The following ZNF469 variants were observed in gnomAD, a reference collection of about 807,000 sequenced individuals.
ZNF469 encodes the protein zinc finger protein 469.
In ZNF469, 1 loss-of-function variant was observed where a neutral mutation model predicts 1.0. That is an observed-to-expected ratio of 1.00 (90% CI 0.35 to 4.73). The LOEUF (loss-of-function observed/expected upper bound fraction) is 4.73, where lower values mean the gene tolerates loss of function less well. ZNF469 is among the 30% of genes most tolerant of loss of function. ZNF469 has a pLI of 0.16. For synonymous variants in ZNF469, 2,703 were observed against 2,363.4 expected, an observed-to-expected ratio of 1.14 and a Z score of -4.17; for missense variants, 6,100 against 5,356.3, an observed-to-expected ratio of 1.14 and a Z score of -4.33.
the ZNF469 span, among the ~76,000 whole-genome samples, chr16:88,375,589 C>T: frequency 6.6e-6 from 1 of 152,254 alleles, no homozygotes; most frequent in African/African-American, 2.4e-5. Context: ...GGTGCCTCTG[C>T]TCATCCTTCC....
the ZNF469 span, among the ~76,000 whole-genome samples, chr16:88,345,327 C>A: frequency 6.6e-6 from 1 of 152,208 alleles, no homozygotes; most frequent in Non-Finnish European, 1.5e-5. Context: ...CTTCTGAGCA[C>A]CTGAGGCCTG....
rs529739268 is a variant in ZNF469 at position 88,396,604 on chromosome 16, C to G, written c.-192+13350C>G. Among the ~76,000 whole-genome samples the G allele has an allele frequency of 4.4e-3, 662 of 149,808 alleles. 8 individuals are homozygous for G. The highest frequency in any genetic ancestry group is 7.5e-3 in the Middle Eastern group (2 of 268). On this transcript the variant is annotated intron_variant, in intron 1 of 2. Coordinates refer to ENST00000565624, the MANE Select transcript of ZNF469 (RefSeq NM_001367624.2). The stretch of plus-strand genomic sequence containing the variant: ...TCCTGAAGGGAGGCCGGGCGGAGAC[C>G]CATCTGAAGGGAGGCCGGGAGGAGA...
chr16:88,412,316 C>T (rs918797627), intron 1 of ZNF469, among the ~76,000 whole-genome samples: 2 of 152,248 alleles, frequency 1.3e-5, no homozygotes, highest in Admixed American at 6.5e-5. Context: ...GCCCTCTCCA[C>T]AGCCTGCTGT....
the ZNF469 span, among the ~76,000 whole-genome samples, chr16:88,111,017 C>T: frequency 3.3e-5 from 5 of 152,252 alleles, no homozygotes; most frequent in African/African-American, 7.2e-5. Context: ...GACGGGCACT[C>T]GTGGCGCTTG....
chr16:88,273,464 GA>G, the ZNF469 span, among the ~76,000 whole-genome samples: 1 of 152,086 alleles, frequency 6.6e-6, no homozygotes, highest in African/African-American at 2.4e-5. Flanking sequence ...CGCCCATTAA[GA>G]TAATTACCAT....
the ZNF469 span, chr16:88,177,560 T>A: frequency 6.6e-6 from 1 of 152,248 alleles, no homozygotes; most frequent in Admixed American, 6.5e-5. This position sits in a 1 kb window ranked among gnomAD's most constrained non-coding sequence, Gnocchi z 4.8. Context: ...GTCCTGGGGA[T>A]GTGCCCCTGA....
the ZNF469 span, among the ~76,000 whole-genome samples, chr16:88,279,098 G>C: frequency 0.13 from 8,256 of 65,886 alleles, no homozygotes; most frequent in African/African-American, 0.21. Flanking sequence ...CCGACACTTG[G>C]TCAGTACTGT....
At chr16:88,362,610 C>T in the ZNF469 span, among the ~76,000 whole-genome samples, 3 of 151,996 alleles carry the variant, frequency 2.0e-5, no homozygotes, top group East Asian at 3.9e-4. Context: ...ATGAGGATTT[C>T]GTGGTAATTT....
the ZNF469 span, among the ~76,000 whole-genome samples, chr16:88,288,958 TG>T: frequency 2.6e-5 from 4 of 152,254 alleles, no homozygotes; most frequent in Non-Finnish European, 5.9e-5. Context: ...CCAGTGTTCT[TG>T]GTGACTCTAC....
the ZNF469 span, among the ~76,000 whole-genome samples, chr16:88,269,211 G>A: frequency 2.0e-5 from 3 of 152,242 alleles, no homozygotes; most frequent in South Asian, 2.1e-4. Flanking sequence ...TTCCACGGCC[G>A]GCTGGGGCAA....
the ZNF469 span, among the ~76,000 whole-genome samples, chr16:88,111,782 G>A: frequency 3.9e-5 from 6 of 152,000 alleles, no homozygotes; most frequent in Admixed American, 2.0e-4. Context: ...GACTACAGGT[G>A]CCCACCATCA....
the ZNF469 span, among the ~76,000 whole-genome samples, chr16:88,339,974 T>C: frequency 6.6e-6 from 1 of 151,920 alleles, no homozygotes; most frequent in Non-Finnish European, 1.5e-5. Context: ...TGGGCGGGCC[T>C]CTTTACTAAG....
chr16:88,227,290 G>A, the ZNF469 span, among the ~76,000 whole-genome samples: 3 of 152,322 alleles, frequency 2.0e-5, no homozygotes, highest in East Asian at 5.8e-4. Context: ...TCTAGCACAG[G>A]AAGAGAGAGG....
chr16:88,422,991 GGATA>G (rs1431228541), intron 1 of ZNF469, among the ~76,000 whole-genome samples: 1 of 150,610 alleles, frequency 6.6e-6, no homozygotes, highest in Admixed American at 6.6e-5. Flanking sequence ...ATGGATGGAT[GGATA>G]GATGGATCAA....
chr16:88,339,104 C>A, the ZNF469 span, among the ~76,000 whole-genome samples: 133 of 148,112 alleles, frequency 9.0e-4, 1 homozygote, highest in Admixed American at 8.8e-3. Flanking sequence ...CACTCAGGTG[C>A]ACTCCCAGAA....
At chr16:88,269,899 C>T in the ZNF469 span, among the ~76,000 whole-genome samples, 1 of 152,106 alleles carries the variant, frequency 6.6e-6, no homozygotes, top group Non-Finnish European at 1.5e-5. Context: ...CAGTCATTCT[C>T]CTGCCCACGC....
At chr16:88,406,149 C>T (rs893104451) in intron 1 of ZNF469, among the ~76,000 whole-genome samples, 2 of 152,258 alleles carry the variant, frequency 1.3e-5, no homozygotes, top group African/African-American at 4.8e-5. Context: ...CCTGCCCGGC[C>T]TCGCCAAAGG....
the ZNF469 span, among the ~76,000 whole-genome samples, chr16:88,316,497 A>G: frequency 0.6 from 89,136 of 149,774 alleles, 27,754 homozygotes; most frequent in East Asian, 0.92. Flanking sequence ...CCTGCTGCTC[A>G]GCCAGTGTGC....
the ZNF469 span, among the ~76,000 whole-genome samples, chr16:88,336,834 A>G: frequency 6.6e-6 from 1 of 152,108 alleles, no homozygotes; most frequent in African/African-American, 2.4e-5. Flanking sequence ...CATCCCCAAA[A>G]CAAACCCCAT....
Sources: gnomAD v4.1 joint callset for allele counts (sites outside exome capture counted in the v4.1 genomes callset) on GRCh38, gnomAD v4.1.1 for gene constraint, Gnocchi (gnomAD v3.1) non-coding constraint, MANE v1.5 for transcripts, NCBI Gene and HGNC (gene_info 2026-07-23, HGNC 2026-07-21) for gene names.